Variants in KIAA1755 observed in about 807,000 individuals in gnomAD.
The protein encoded by KIAA1755 is uncharacterized protein KIAA1755.
In KIAA1755, 68 loss-of-function variants were observed where a neutral mutation model predicts 91.7. The ratio of observed to expected loss-of-function variants is 0.74; its 90% CI spans 0.61 to 0.91. The LOEUF (loss-of-function observed/expected upper bound fraction) is 0.91, where lower values mean the gene tolerates loss of function less well. KIAA1755 is among the 40% of genes least tolerant of loss of function. The pLI, the probability that KIAA1755 is intolerant of heterozygous loss-of-function variation, is 0.00. For missense variants in KIAA1755, 1,535 were observed against 1,494.4 expected (o/e 1.03, Z -0.45); for synonymous variants, 610 against 604.6 (o/e 1.01, Z -0.13).
At chr20:38,226,130 C>T (rs1175635131) in intron 7 of KIAA1755, among the ~76,000 whole-genome samples, 3 of 152,298 alleles carry the variant, frequency 2.0e-5, no homozygotes, top group East Asian at 1.9e-4. Context: ...TGGAAGCTGG[C>T]CCTTGTGATG....
At chr20:38,232,718 C>T (rs2075891098) in intron 4 of KIAA1755, among the ~76,000 whole-genome samples, 1 of 151,700 alleles carries the variant, frequency 6.6e-6, no homozygotes, top group African/African-American at 2.4e-5. Flanking sequence ...TGATCTTTTT[C>T]CTACTATTCA....
chr20:38,222,664 C>G (rs1317136620), intron 9 of KIAA1755, 67 bp from the exon 10 acceptor site: 1 of 1,531,908 alleles, frequency 6.5e-7, no homozygotes, highest in South Asian at 1.2e-5. Context: ...CCAAGGCTCC[C>G]CACACCCAGA....
At chr20:38,254,691 C>CTTA (rs1328197527) in intron 1 of KIAA1755, among the ~76,000 whole-genome samples, 1 of 151,456 alleles carries the variant, frequency 6.6e-6, no homozygotes, top group African/African-American at 2.4e-5. Context: ...GGCACTGAGA[C>CTTA]AGAAGGATCG....
intron 1 of KIAA1755, among the ~76,000 whole-genome samples, chr20:38,246,436 G>A (rs963331800): frequency 4.1e-5 from 6 of 145,560 alleles, no homozygotes; most frequent in African/African-American, 1.5e-4. Flanking sequence ...GCTGATCCAC[G>A]GAGACGTGGA....
At chr20:38,248,681 T>TTTATTATTATTATTATTATTATTA (rs139229061) in intron 1 of KIAA1755, among the ~76,000 whole-genome samples, 2 of 144,788 alleles carry the variant, frequency 1.4e-5, no homozygotes, top group East Asian at 2.0e-4. Context: ...TTGTCTTCTC[T>TTTATTATTATTATTATTATTATTA]TTATTATTAT....
Position 38,260,668 on chromosome 20 carries a change from G to A in KIAA1755, c.-168C>T. On this transcript the variant is annotated 5_prime_UTR_variant, in exon 1 of 14. Transcript: ENST00000279024. ...CCGGCGTCATCTCGGAGGAGCGGCC[G>A]GGGAGGACAGGGAGAGAGACTGAGA... The A allele has an allele frequency of 1.5e-6, 1 of 671,314 alleles. No individual in the cohort carries two copies. The allele number at this position is 671,314 out of a possible 1,614,324, so 41.6% of individuals were successfully genotyped here.
Position 38,218,050 on chromosome 20 carries a change from G to A in KIAA1755, c.2679+194C>T, listed in dbSNP as rs144539720. 5 of 666,810 alleles carry A rather than the reference G, an allele frequency of 7.5e-6. No homozygotes were observed. The South Asian group carries it at 9.8e-5, about 13-fold the overall frequency. 41.3% of individuals were successfully genotyped at this position (666,810 alleles called of 1,614,324 possible). On this transcript the variant is annotated intron_variant, in intron 12 of 13. Transcript: ENST00000279024. ...TCTGGGGGATTCAGAATATTCTTTG[G>A]GCTTGGCCATCTGGTAAGAATCTCT...
At chr20:38,254,585 C>T (rs2076307260) in intron 1 of KIAA1755, among the ~76,000 whole-genome samples, 1 of 151,896 alleles carries the variant, frequency 6.6e-6, no homozygotes, top group Non-Finnish European at 1.5e-5. Flanking sequence ...GCCAGAAGTT[C>T]GAGACTAGCC....
At position 38,239,607 on chromosome 20, in the gene KIAA1755, C is replaced by G. The variant is rs2076017531; in HGVS notation, c.1668G>C (p.Glu556Asp). 2 of 1,606,526 alleles carry G rather than the reference C, an allele frequency of 1.2e-6. No individual in the cohort carries two copies. The highest frequency in any genetic ancestry group is 2.2e-5 in the East Asian group (1 of 44,836). The stretch of plus-strand genomic sequence containing the variant: ...TGGGCTCAGGCCCTGGGGGCTCCTC[C>G]TCCAGGGTGGGGCCTCTTTCTGGGG... ...AGSPERGPTL[E>D]EEPPGPEPRI... The change falls in exon 4 of 14, where the codon GAG becomes GAC. Residue 556 changes from glutamate (E) to aspartate (D), a missense_variant. Coordinates refer to ENST00000279024, the MANE Select transcript of KIAA1755 (RefSeq NM_001029864.2).
chr20:38,234,243 C>T lies in KIAA1755; in HGVS notation c.1748-2918G>A, dbSNP rs116878488. The stretch of plus-strand genomic sequence containing the variant: ...GCTTTGTTCACCCTATTCCTTCTGC[C>T]AGGTATGCCCTTCTGTCCTATCTCT... On this transcript the variant is annotated intron_variant, in intron 4 of 13. Transcript: ENST00000279024. Among the ~76,000 whole-genome samples, 332 of 152,314 alleles carry T rather than the reference C, an allele frequency of 2.2e-3. 4 individuals carry two copies. The East Asian group carries it at 0.043, about 20-fold the overall frequency.
chr20:38,241,906 G>A lies in KIAA1755; in HGVS notation c.225C>T (p.Phe75=). 6.2e-7 allele frequency: 1 copy of A among 1,613,394 alleles called. No homozygotes were observed. Among genetic ancestry groups the A allele is most frequent in the Non-Finnish European group, 8.5e-7 (1 of 1,179,876 alleles). ...GACAGAGTGGCCAGCCCTCGTGTAA[G>A]AAGAGGCAGTGTGAGTAGGGAGCCT... is the stretch of plus-strand genomic sequence containing the variant. ...AACAPYSHCL[F]LHEGWPLCLR... Residue 75 remains phenylalanine, a synonymous_variant, in exon 3 of 14, where the codon TTC becomes TTT. Transcript: ENST00000279024.
chr20:38,248,055 C>G (rs1463934315), intron 1 of KIAA1755, among the ~76,000 whole-genome samples: 2 of 152,020 alleles, frequency 1.3e-5, no homozygotes, highest in Non-Finnish European at 2.9e-5. Context: ...TAGCAAAACC[C>G]CATCTTTACT....
At chr20:38,234,638 G>A (rs877600) in intron 4 of KIAA1755, among the ~76,000 whole-genome samples, 48,293 of 152,034 alleles carry the variant, frequency 0.32, 7,858 homozygotes, top group Middle Eastern at 0.5. Flanking sequence ...TCACGCTGAT[G>A]TAGGTAGTCC....
chr20:38,260,373 C>G, intron 1 of KIAA1755, 125 bp downstream of exon 1: 2 of 1,598,304 alleles, frequency 1.3e-6, no homozygotes, highest in South Asian at 2.2e-5. Context: ...ACAACCCTGC[C>G]AAGGCACTGA....
Position 38,231,225 on chromosome 20 carries a change from C to G in KIAA1755, c.1848G>C (p.Leu616=), listed in dbSNP as rs117470471. 4,587 of 1,613,650 alleles carry G rather than the reference C, an allele frequency of 2.8e-3. 70 individuals are homozygous for G. The East Asian group carries it at 0.046, about 16-fold the overall frequency. ...WCTVSEVTKL[L]SYLCTIPRPE... ...ACCTGGGGATGGTACACAGGTAGGA[C>G]AGTAGCTTGGTGACCTCTGAAACTG... Residue 616 remains leucine (L), a synonymous_variant, in exon 5 of 14, where the codon CTG becomes CTC. Transcript: ENST00000279024.
intron 1 of KIAA1755, among the ~76,000 whole-genome samples, chr20:38,253,631 G>C (rs1454113932): frequency 6.6e-6 from 1 of 152,216 alleles, no homozygotes; most frequent in Non-Finnish European, 1.5e-5. Context: ...AACTCCAAGT[G>C]GACATTAAGT....
rs2076155413 is a variant in KIAA1755, at chr20:38,246,103, G to A, written c.27C>T (p.Ala9=). The change falls in exon 2 of 14, where the codon GCC becomes GCT. Residue 9 remains alanine, a synonymous_variant. Coordinates refer to ENST00000279024, the MANE Select transcript of KIAA1755 (RefSeq NM_001029864.2). ...AGAGGCCCGCCAGGGCATGCTGGAT[G>A]GCTGTGTCGAGGGATGGAGGGTCCT... The part of the protein sequence containing the change: MDPPSLDT[A]IQHALAGLYP... The A allele has an allele frequency of 1.9e-6, 3 of 1,613,586 alleles. No homozygotes were observed. The highest frequency in any genetic ancestry group is 2.7e-5 in the African/African-American group (2 of 74,894).
intron 2 of KIAA1755, 26 bp from the exon 3 acceptor site, chr20:38,241,955 G>A (rs1269664408): frequency 7.5e-6 from 12 of 1,592,912 alleles, no homozygotes; most frequent in Non-Finnish European, 1.0e-5. Flanking sequence ...GATGGCATCA[G>A]AGAACCTGGC....
chr20:38,224,641 G>A (rs553290662), intron 8 of KIAA1755, among the ~76,000 whole-genome samples: 6 of 152,114 alleles, frequency 3.9e-5, no homozygotes, highest in African/African-American at 7.2e-5. Context: ...CAAGCATGCC[G>A]CAATACACAA....
Sources: allele counts gnomAD v4.1 joint callset (sites outside exome capture counted in the v4.1 genomes callset), GRCh38; gene constraint gnomAD v4.1.1; transcripts MANE v1.5; gene names NCBI Gene and HGNC (gene_info 2026-07-23, HGNC 2026-07-21).